SMG1: variants seen among roughly 807,000 people sequenced by gnomAD.
SMG1 encodes the protein serine/threonine-protein kinase SMG1.
In SMG1, 22 loss-of-function variants were observed where a neutral mutation model predicts 419.9. The observed-to-expected ratio is 0.05, with a 90% confidence interval of 0.04 to 0.07. The LOEUF (loss-of-function observed/expected upper bound fraction) is 0.07, where lower values mean the gene tolerates loss of function less well. Among genes scored for constraint, SMG1 ranks in the 10% least tolerant of loss-of-function variants. SMG1 has a pLI of 1.00. For synonymous variants in SMG1, 1,538 were observed against 1,553.5 expected, an observed-to-expected ratio of 0.99 and a Z score of 0.23; for missense variants, 3,185 against 4,342.0, an observed-to-expected ratio of 0.73 and a Z score of 7.49.
chr16:18,907,738 G>T (rs1311354237), intron 1 of SMG1, among the ~76,000 whole-genome samples: 1 of 149,376 alleles, frequency 6.7e-6, no homozygotes, highest in African/African-American at 2.5e-5. Flanking sequence ...TGTAGTCCCA[G>T]CTACTCAGGG....
In SMG1 at chr16:18,838,092, G is replaced by C. The variant is rs772878896; in HGVS notation, c.7335C>G (p.Ala2445=). 1 of 1,613,872 alleles carries C rather than the reference G, an allele frequency of 6.2e-7. No homozygotes were observed. Among genetic ancestry groups the C allele is most frequent in the African/African-American group, 1.3e-5 (1 of 74,998 alleles). The stretch of plus-strand genomic sequence containing the variant: ...TCTCTCTCTTGCTCTGCTTGCTCTC[G>C]GCCTGCTGGCCACCTCCACCATAGA... ...GAVYGGGGQQ[A]ESKQSKREME... is the part of the protein sequence containing the mutation. Residue 2445 remains alanine (A), a synonymous_variant, in exon 45 of 63, where the codon GCC becomes GCG. Transcript: ENST00000446231.
chr16:18,817,266 C>G, intron 57 of SMG1, 25 bp downstream of exon 57: 1 of 1,574,716 alleles, frequency 6.4e-7, no homozygotes, highest in African/African-American at 1.4e-5. Flanking sequence ...CTTATTTAAT[C>G]AAGTTTCTTT....
rs544532785 is a variant in SMG1 at position 18,815,408 on chromosome 16, T to C, written c.10514+32A>G. 2.5e-6 allele frequency: 4 copies of C among 1,608,384 alleles called. No individual in the cohort carries two copies. The African/African-American group carries it at 4.0e-5, about 16-fold the overall frequency. Reference sequence around the variant, plus strand: ...TTATACCAGTAGTTTTGTACTTATGTTTTATAAATTCTGACCAGAAGGCAT... The same window carrying C: ...TTATACCAGTAGTTTTGTACTTATGCTTTATAAATTCTGACCAGAAGGCAT... On this transcript the variant is annotated intron_variant, in intron 59 of 62. Transcript: ENST00000446231.
At chr16:18,821,194 T>C (rs1254060066) in intron 55 of SMG1, among the ~76,000 whole-genome samples, 3 of 150,118 alleles carry the variant, frequency 2.0e-5, no homozygotes, top group Non-Finnish European at 3.0e-5. Context: ...TCAAATTCAT[T>C]AAAAACCTGA....
chr16:18,920,382 CAAAAAA>C (rs67904345), intron 1 of SMG1, among the ~76,000 whole-genome samples: 1 of 100,808 alleles, frequency 9.9e-6, no homozygotes, highest in African/African-American at 4.1e-5. Flanking sequence ...AACTCCGTCT[CAAAAAA>C]AAAAAAAAAA....
chr16:18,875,213 G>C (rs1402466190), intron 13 of SMG1: 5 of 152,516 alleles, frequency 3.3e-5, no homozygotes, highest in Non-Finnish European at 2.9e-5. Flanking sequence ...CATCATACTG[G>C]TGCTCAAAAA....
intron 23 of SMG1, among the ~76,000 whole-genome samples, chr16:18,864,832 T>C (rs557267310): frequency 2.3e-3 from 353 of 152,172 alleles, no homozygotes; most frequent in Non-Finnish European, 2.8e-3. Flanking sequence ...CCACAAAAAA[T>C]GGTGCAAGAA....
At position 18,916,388 on chromosome 16, in the gene SMG1, G is replaced by A. The variant is rs370147760; in HGVS notation, c.92+9562C>T. On this transcript the variant is annotated intron_variant, in intron 1 of 62. Transcript: ENST00000446231. ...AAATTAGCTGGGCGAGGTGGCGGGC[G>A]CCTGTAGTCCCAGCTACTCGGGAGG... Among the ~76,000 whole-genome samples the A allele has an allele frequency of 1.5e-3, 225 of 151,132 alleles. 1 individual carries two copies. Among genetic ancestry groups the A allele is most frequent in the African/African-American group, 5.2e-3 (214 of 41,318 alleles).
At chr16:18,849,640 GAA>G (rs1041411544) in intron 35 of SMG1, among the ~76,000 whole-genome samples, 1 of 152,132 alleles carries the variant, frequency 6.6e-6, no homozygotes, top group African/African-American at 2.4e-5. Context: ...TATCTTCTGT[GAA>G]TGCCTACAAA....
intron 1 of SMG1, among the ~76,000 whole-genome samples, chr16:18,913,909 T>A (rs2037877539): frequency 6.6e-6 from 1 of 152,102 alleles, no homozygotes; most frequent in Non-Finnish European, 1.5e-5. Context: ...TTTACGCCTG[T>A]AATCCCAGCA....
rs776275435 is a variant in SMG1, at chr16:18,852,381, T to G, written c.4850A>C (p.Lys1617Thr). 5 of 1,613,818 alleles carry G rather than the reference T, an allele frequency of 3.1e-6. No individual in the cohort carries two copies. The Admixed American group carries it at 8.3e-5, about 27-fold the overall frequency. ...CCAGCTGGCCAACGCTGCCCAAGAT[T>G]TGGCTACTTCAGGTGCCTGTACTGA... ...LSSVQAPEVA[K>T]SWAALASWAY... The change falls in exon 32 of 63, where the codon AAA becomes ACA. Residue 1617 changes from lysine (K) to threonine (T), a missense_variant. By Grantham distance (78) the Lys-to-Thr change is moderately conservative (BLOSUM62 -1). Transcript: ENST00000446231.
At position 18,871,444 on chromosome 16, in the gene SMG1, A is replaced by G; in HGVS notation, c.2222T>C (p.Leu741Ser). The change falls in exon 16 of 63, where the codon TTA becomes TCA. Residue 741 changes from leucine (L) to serine (S), a missense_variant. By Grantham distance (145) the Leu-to-Ser change is moderately radical (BLOSUM62 -2). This residue lies in a region of SMG1 where 297 missense variants were observed against 491.0 expected (regional missense o/e 0.60). Coordinates refer to ENST00000446231, the MANE Select transcript of SMG1 (RefSeq NM_015092.5). ...TGCGTATGTTTCAGACTTCTTCATT[A>G]AAACAGCTGCTTCCAAAGCCCAAGT... ...LMTWALEAAV[L>S]MKKSETYAPL... 4 of 1,601,864 alleles carry G rather than the reference A, an allele frequency of 2.5e-6. No individual in the cohort carries two copies. Among genetic ancestry groups the G allele is most frequent in the Non-Finnish European group, 3.4e-6 (4 of 1,176,700 alleles).
At chr16:18,874,126 T>C (rs1370261604) in intron 13 of SMG1, among the ~76,000 whole-genome samples, 1 of 152,160 alleles carries the variant, frequency 6.6e-6, no homozygotes, top group Non-Finnish European at 1.5e-5. Flanking sequence ...ATTATGTCCA[T>C]TACTTTCTTT....
At chr16:18,873,043 A>C (rs144218580) in intron 13 of SMG1, among the ~76,000 whole-genome samples, 2 of 151,966 alleles carry the variant, frequency 1.3e-5, no homozygotes, top group Non-Finnish European at 2.9e-5. Context: ...AATCCCAGCT[A>C]CTCGGGAGGC....
chr16:18,851,923 C>A (rs2034625484), intron 33 of SMG1, 144 bp downstream of exon 33: 1 of 862,806 alleles, frequency 1.2e-6, no homozygotes. Flanking sequence ...ATATAACTCA[C>A]TTTCATCTTA....
intron 22 of SMG1, among the ~76,000 whole-genome samples, chr16:18,867,882 G>C (rs2035609238): frequency 6.6e-6 from 1 of 151,436 alleles, no homozygotes; most frequent in Non-Finnish European, 1.5e-5. Flanking sequence ...CTAATTTTTT[G>C]TATTTTTAGT....
At position 18,925,922 on chromosome 16, in the gene SMG1, G is replaced by T. The variant is rs745866433; in HGVS notation, c.92+28C>A. 19 of 1,498,862 alleles carry T rather than the reference G, an allele frequency of 1.3e-5. No homozygotes were observed. In the East Asian group the frequency reaches 5.1e-4, roughly 40 times the overall value. 92.8% of individuals were successfully genotyped at this position (1,498,862 alleles called of 1,614,324 possible). ...CGCCCGAGGCGGAGCCCGGGAGGTCGGGGCGGGGTCCCGGGCCGGTCACCC... is the reference window on the plus strand; with the variant it reads ...CGCCCGAGGCGGAGCCCGGGAGGTCTGGGCGGGGTCCCGGGCCGGTCACCC... On this transcript the variant is annotated intron_variant, in intron 1 of 62. Transcript: ENST00000446231.
chr16:18,873,728 A>G (rs575876532), intron 13 of SMG1, among the ~76,000 whole-genome samples: 105 of 152,194 alleles, frequency 6.9e-4, no homozygotes, highest in Non-Finnish European at 1.3e-3. Flanking sequence ...GTATTTCCTC[A>G]ATTTTCCATA....
In SMG1 at chr16:18,851,690, G is replaced by A. The variant is rs190236910; in HGVS notation, c.5052+377C>T. On this transcript the variant is annotated intron_variant, in intron 33 of 62. Coordinates refer to ENST00000446231, the MANE Select transcript of SMG1 (RefSeq NM_015092.5). ...CCCGAGTAGCTGGCATTACAGGCATGCACCACCACACCCTGCTAATTTTTG... is the reference window on the plus strand; with the variant it reads ...CCCGAGTAGCTGGCATTACAGGCATACACCACCACACCCTGCTAATTTTTG... Among the ~76,000 whole-genome samples, 921 of 152,194 alleles carry A rather than the reference G, an allele frequency of 6.1e-3. 6 individuals carry two copies. The highest frequency in any genetic ancestry group is 7.4e-3 in the Admixed American group (113 of 15,282).
Sources: gnomAD v4.1 joint callset for allele counts (sites outside exome capture counted in the v4.1 genomes callset) on GRCh38, gnomAD v4.1.1 for gene constraint, gnomAD v4.1.1 regional missense constraint, MANE v1.5 for transcripts, NCBI Gene and HGNC (gene_info 2026-07-23, HGNC 2026-07-21) for gene names.